The following KMT2C variants were observed in gnomAD, a reference collection of about 807,000 sequenced individuals.
KMT2C encodes the protein lysine methyltransferase 2C, also known as histone-lysine N-methyltransferase 2C.
KMT2C carries 88 observed loss-of-function variants against 507.9 expected under a neutral mutation model. That is an observed-to-expected ratio of 0.17 (90% CI 0.15 to 0.21). The LOEUF (loss-of-function observed/expected upper bound fraction) is 0.21. KMT2C is among the 10% of genes least tolerant of loss of function. The pLI, the probability that KMT2C is intolerant of heterozygous loss-of-function variation, is 1.00. For missense variants in KMT2C, 4,954 were observed against 5,957.8 expected, an observed-to-expected ratio of 0.83 and a Z score of 5.55; for synonymous variants, 2,049 against 2,080.8, an observed-to-expected ratio of 0.98 and a Z score of 0.42.
rs976027759 is a variant in KMT2C, at chr7:152,151,389, G to A, written c.12666+53C>T. Reference sequence around the variant, plus strand: ...CTGATGTTGGAAGAGACACTGCCAAGGACATTTTCGCTGGAGGTAGGAGGT... The same window carrying A: ...CTGATGTTGGAAGAGACACTGCCAAAGACATTTTCGCTGGAGGTAGGAGGT... On this transcript the variant is annotated intron_variant, in intron 50 of 58. Transcript: ENST00000262189. 8 of 1,590,578 alleles carry A rather than the reference G, an allele frequency of 5.0e-6. No individual in the cohort carries two copies. In the African/African-American group the frequency reaches 1.1e-4, roughly 21 times the overall value.
At chr7:152,155,493 G>A (rs1464245702) in intron 46 of KMT2C, among the ~76,000 whole-genome samples, 2 of 152,054 alleles carry the variant, frequency 1.3e-5, no homozygotes, top group Non-Finnish European at 2.9e-5. Context: ...CTTCCACGAC[G>A]GCGTTCTCTG....
intron 2 of KMT2C, among the ~76,000 whole-genome samples, chr7:152,343,696 C>T (rs760102153): frequency 2.6e-5 from 4 of 151,944 alleles, no homozygotes; most frequent in Non-Finnish European, 5.9e-5. Context: ...GAAAAAAATA[C>T]CTAAGGTAAC....
chr7:152,298,269 T>TA (rs1204544670), intron 6 of KMT2C, among the ~76,000 whole-genome samples: 1 of 151,834 alleles, frequency 6.6e-6, no homozygotes, highest in East Asian at 1.9e-4. Flanking sequence ...GTTCTAGCCA[T>TA]AAAAAGACCT....
In KMT2C at chr7:152,332,926, G is replaced by A. The variant is rs1026767179; in HGVS notation, c.251-2187C>T. Among the ~76,000 whole-genome samples, 9 of 148,438 alleles carry A rather than the reference G, an allele frequency of 6.1e-5. No individual in the cohort carries two copies. The East Asian group carries it at 1.2e-3, about 20-fold the overall frequency. ...TCGTCAACACCACCAATAGACCAAC[G>A]GCAAAAGAATTAACAATCCAGTTAG... On this transcript the variant is annotated intron_variant, in intron 2 of 58. Coordinates refer to ENST00000262189, the MANE Select transcript of KMT2C (RefSeq NM_170606.3).
At chr7:152,264,079 C>G (rs1352333872) in intron 8 of KMT2C, among the ~76,000 whole-genome samples, 1 of 152,146 alleles carries the variant, frequency 6.6e-6, no homozygotes, top group East Asian at 1.9e-4. Context: ...GACAAGTACT[C>G]TTCCTTCAAG....
At chr7:152,170,451 C>A (rs1284774873) in intron 40 of KMT2C, among the ~76,000 whole-genome samples, 1 of 152,000 alleles carries the variant, frequency 6.6e-6, no homozygotes, top group Non-Finnish European at 1.5e-5. Context: ...TATCTTTCAA[C>A]AAGGATGGGA....
At position 152,263,158 on chromosome 7, in the gene KMT2C, C is replaced by A. The variant is rs112568234; in HGVS notation, c.1185-28G>T. The stretch of plus-strand genomic sequence containing the variant: ...AAAAAATAAGATAGCATTAATGATG[C>A]CTTATCTTTAAACTTATGTTTTGTA... On this transcript the variant is annotated intron_variant, in intron 8 of 58. Transcript: ENST00000262189. 9 of 1,560,068 alleles carry A rather than the reference C, an allele frequency of 5.8e-6. No individual in the cohort carries two copies. In the South Asian group the frequency reaches 1.0e-4, roughly 18 times the overall value.
intron 1 of KMT2C, among the ~76,000 whole-genome samples, chr7:152,426,098 T>A (rs1044616477): frequency 6.6e-6 from 1 of 152,132 alleles, no homozygotes; most frequent in Non-Finnish European, 1.5e-5. Context: ...GAAAAACATT[T>A]CATAGAGATT....
At chr7:152,370,368 G>A (rs534323584) in intron 1 of KMT2C, among the ~76,000 whole-genome samples, 1 of 152,214 alleles carries the variant, frequency 6.6e-6, no homozygotes, top group South Asian at 2.1e-4. Flanking sequence ...TGAATTTATA[G>A]TATGAAATTT....
intron 1 of KMT2C, among the ~76,000 whole-genome samples, chr7:152,413,140 CAG>C (rs1467487785): frequency 2.0e-5 from 3 of 152,018 alleles, no homozygotes; most frequent in Non-Finnish European, 2.9e-5. Context: ...TTTTCGGAGA[CAG>C]GGTCTCACTT....
chr7:152,374,150 T>G (rs1475800977), intron 1 of KMT2C, among the ~76,000 whole-genome samples: 1 of 147,780 alleles, frequency 6.8e-6, no homozygotes, highest in Non-Finnish European at 1.5e-5. Flanking sequence ...CCGAGATCTC[T>G]ACTAAAAATA....
chr7:152,172,495 A>T (rs770741028), intron 39 of KMT2C, among the ~76,000 whole-genome samples: 1 of 152,200 alleles, frequency 6.6e-6, no homozygotes, highest in Non-Finnish European at 1.5e-5. Context: ...CAGAAGTTCA[A>T]GAACAGCCTG....
intron 52 of KMT2C, 80 bp from the exon 53 acceptor site, chr7:152,146,815 T>G: frequency 1.6e-6 from 2 of 1,228,426 alleles, no homozygotes; most frequent in South Asian, 2.7e-5. Flanking sequence ...GAATAACCAC[T>G]CACAAGGATT....
chr7:152,180,043 T>C lies in KMT2C; in HGVS notation c.7233A>G (p.Ser2411=), dbSNP rs138464665. Residue 2411 remains serine, a synonymous_variant, in exon 37 of 59, where the codon TCA becomes TCG. Coordinates refer to ENST00000262189, the MANE Select transcript of KMT2C (RefSeq NM_170606.3). ...AGRQEKGSQD[S]PAVPHPGPLQ... Reference sequence around the variant, plus strand: ...GAGGCCCTGGATGAGGCACTGCGGGTGAGTCCTGTGACCCCTTCTCCTGTC... The same window carrying C: ...GAGGCCCTGGATGAGGCACTGCGGGCGAGTCCTGTGACCCCTTCTCCTGTC... 8.9e-4 allele frequency: 1,438 copies of C among 1,614,132 alleles called. 1 individual carries two copies. Among genetic ancestry groups the C allele is most frequent in the Middle Eastern group, 3.8e-3 (23 of 6,062 alleles).
At chr7:152,193,892 TCA>T (rs764419961) in intron 31 of KMT2C, 115 bp downstream of exon 31, 385 of 822,800 alleles carry the variant, frequency 4.7e-4, no homozygotes, top group Non-Finnish European at 6.3e-4. Flanking sequence ...TTTCTCCCTA[TCA>T]GTTTGTATAC....
Position 152,327,283 on chromosome 7 carries a change from C to T in KMT2C, c.389+3318G>A, listed in dbSNP as rs891970413. ...TCATATATTCATGAGTAGCTTTTAA[C>T]TTTCATTCTCTGTACAAGTATTAGA... On this transcript the variant is annotated intron_variant, in intron 3 of 58. Coordinates refer to ENST00000262189, the MANE Select transcript of KMT2C (RefSeq NM_170606.3). Among the ~76,000 whole-genome samples the T allele has an allele frequency of 1.6e-4, 25 of 152,180 alleles. 1 individual carries two copies. The highest frequency in any genetic ancestry group is 2.9e-5 in the Non-Finnish European group (2 of 68,030).
chr7:152,306,260 T>C (rs542202518), intron 6 of KMT2C, among the ~76,000 whole-genome samples: 9 of 152,320 alleles, frequency 5.9e-5, no homozygotes, highest in Admixed American at 2.6e-4. Context: ...AATTGCTTAT[T>C]TGGTCTCCCA....
intron 26 of KMT2C, among the ~76,000 whole-genome samples, chr7:152,200,525 T>TA (rs1228967884): frequency 2.0e-5 from 3 of 152,034 alleles, no homozygotes; most frequent in African/African-American, 4.8e-5. Context: ...GCCCAGGAGT[T>TA]AGAGACCAGC....
At chr7:152,417,711 G>A (rs771359917) in intron 1 of KMT2C, among the ~76,000 whole-genome samples, 6 of 151,892 alleles carry the variant, frequency 4.0e-5, no homozygotes, top group Admixed American at 2.0e-4. Context: ...GCATGATCTC[G>A]GCTCACTGCA....
Sources: allele counts gnomAD v4.1 joint callset (sites outside exome capture counted in the v4.1 genomes callset), GRCh38; gene constraint gnomAD v4.1.1; transcripts MANE v1.5; gene names NCBI Gene and HGNC (gene_info 2026-07-23, HGNC 2026-07-21).